Variants in MACROD2 observed in about 807,000 individuals in gnomAD.
MACROD2 encodes the protein mono-ADP ribosylhydrolase 2.
In MACROD2, 36 loss-of-function variants were observed where a neutral mutation model predicts 70.4. The ratio of observed to expected loss-of-function variants is 0.51; its 90% CI spans 0.39 to 0.68. The LOEUF (loss-of-function observed/expected upper bound fraction) is 0.68. MACROD2 is among the 30% of genes least tolerant of loss of function. MACROD2 has a pLI of 0.00. For missense variants in MACROD2, 496 were observed against 538.4 expected (o/e 0.92, Z 0.78); for synonymous variants, 172 against 178.8 (o/e 0.96, Z 0.30).
chr20:14,965,681 G>A (rs941190716), intron 5 of MACROD2, among the ~76,000 whole-genome samples: 4 of 151,114 alleles, frequency 2.6e-5, no homozygotes, highest in African/African-American at 9.7e-5. Flanking sequence ...TGTTAGCCAG[G>A]ATGGTCTCGA....
At chr20:15,971,163 A>G (rs2066224695) in intron 13 of MACROD2, among the ~76,000 whole-genome samples, 1 of 152,148 alleles carries the variant, frequency 6.6e-6, no homozygotes, top group South Asian at 2.1e-4. Flanking sequence ...TTTGAAAAGG[A>G]TCATGTTTCT....
intron 5 of MACROD2, among the ~76,000 whole-genome samples, chr20:14,807,760 A>G (rs891590057): frequency 6.6e-5 from 10 of 152,120 alleles, no homozygotes; most frequent in African/African-American, 2.4e-4. Context: ...GACCTGATGG[A>G]GATGAAAAAC....
At chr20:15,199,408 A>G (rs1444705058) in intron 5 of MACROD2, among the ~76,000 whole-genome samples, 1 of 152,166 alleles carries the variant, frequency 6.6e-6, no homozygotes, top group Non-Finnish European at 1.5e-5. Context: ...AAATGTATGT[A>G]TGTGTGACTC....
At chr20:15,978,613 TCTC>T (rs1343183988) in intron 13 of MACROD2, among the ~76,000 whole-genome samples, 41 of 151,448 alleles carry the variant, frequency 2.7e-4, no homozygotes, top group Admixed American at 1.1e-3. Context: ...TCTCTCTCTC[TCTC>T]GTTCTTTCTC....
At chr20:16,007,461 G>A (rs2147519194) in intron 15 of MACROD2, among the ~76,000 whole-genome samples, 1 of 152,260 alleles carries the variant, frequency 6.6e-6, no homozygotes, top group East Asian at 1.9e-4. Context: ...ATACCACAGT[G>A]TCCAGAAAAT....
intron 5 of MACROD2, among the ~76,000 whole-genome samples, chr20:14,854,161 G>A (rs748457648): frequency 2.6e-5 from 4 of 152,106 alleles, no homozygotes; most frequent in Admixed American, 2.0e-4. Flanking sequence ...AGAGAATGTC[G>A]ATAGCTTTCT....
intron 5 of MACROD2, among the ~76,000 whole-genome samples, chr20:14,862,713 A>T (rs796672851): frequency 0.02 from 1,825 of 92,090 alleles, 138 homozygotes; most frequent in Non-Finnish European, 0.028. Flanking sequence ...ATATATATAT[A>T]TATTTTTTTT....
At chr20:14,314,951 C>T (rs1002163806) in intron 3 of MACROD2, among the ~76,000 whole-genome samples, 1 of 152,014 alleles carries the variant, frequency 6.6e-6, no homozygotes, top group African/African-American at 2.4e-5. Context: ...AAGGCCATAT[C>T]CCAAATAAGC....
chr20:15,224,182 G>A (rs2076885132), intron 5 of MACROD2, among the ~76,000 whole-genome samples: 1 of 152,172 alleles, frequency 6.6e-6, no homozygotes, highest in Non-Finnish European at 1.5e-5. Context: ...CATTGCAGAA[G>A]GTCTGACCCA....
chr20:15,890,292 T>G (rs916362700), intron 10 of MACROD2, among the ~76,000 whole-genome samples: 9 of 152,180 alleles, frequency 5.9e-5, no homozygotes, highest in African/African-American at 2.2e-4. Flanking sequence ...GACCTAGAAA[T>G]GTAACTCACA....
rs549920480 is a variant in MACROD2, at chr20:15,254,909, C to T, written c.540+24848C>T. On this transcript the variant is annotated intron_variant, in intron 6 of 17. Transcript: ENST00000684519. ...AACGTGAATTCCTTGAATTGTAAACCATTTGGGGCCAAAGCACACCTTTTT... is the reference window on the plus strand; with the variant it reads ...AACGTGAATTCCTTGAATTGTAAACTATTTGGGGCCAAAGCACACCTTTTT... Among the ~76,000 whole-genome samples, 16 of 147,546 alleles carry T rather than the reference C, an allele frequency of 1.1e-4. No individual in the cohort carries two copies. In the East Asian group the frequency reaches 3.0e-3, roughly 28 times the overall value.
chr20:15,807,137 G>A (rs1218620340), intron 8 of MACROD2, among the ~76,000 whole-genome samples: 8 of 152,144 alleles, frequency 5.3e-5, no homozygotes, highest in Non-Finnish European at 1.5e-5. Flanking sequence ...ACCTTGATAA[G>A]GTTTCTTAAT....
chr20:14,126,551 G>T (rs1601252893), intron 3 of MACROD2, among the ~76,000 whole-genome samples: 2 of 151,540 alleles, frequency 1.3e-5, no homozygotes, highest in Non-Finnish European at 2.9e-5. Flanking sequence ...AAGGTTTGTG[G>T]TAACCCTGTG....
intron 8 of MACROD2, among the ~76,000 whole-genome samples, chr20:15,670,403 G>A (rs1468105511): frequency 1.3e-5 from 2 of 152,116 alleles, no homozygotes; most frequent in Admixed American, 6.5e-5. Flanking sequence ...GATGCAACAC[G>A]AACTTCTACA....
At chr20:14,525,048 A>G (rs1444593108) in intron 4 of MACROD2, among the ~76,000 whole-genome samples, 1 of 152,170 alleles carries the variant, frequency 6.6e-6, no homozygotes, top group Non-Finnish European at 1.5e-5. Context: ...TGACACATCA[A>G]TTTAGAATTC....
At chr20:14,979,871 G>A (rs929909654) in intron 5 of MACROD2, among the ~76,000 whole-genome samples, 34 of 152,124 alleles carry the variant, frequency 2.2e-4, no homozygotes, top group African/African-American at 8.0e-4. Flanking sequence ...TAACTGTGTG[G>A]TGTTGATATG....
intron 6 of MACROD2, among the ~76,000 whole-genome samples, chr20:15,338,052 A>G (rs1042836344): frequency 6.6e-6 from 1 of 151,524 alleles, no homozygotes; most frequent in African/African-American, 2.4e-5. Flanking sequence ...GGTGGCCTTC[A>G]TTTTTATTTA....
chr20:14,187,326 G>A (rs188503010), intron 3 of MACROD2, among the ~76,000 whole-genome samples: 23 of 152,230 alleles, frequency 1.5e-4, no homozygotes, highest in African/African-American at 4.3e-4. Context: ...CCACTGATAC[G>A]TGAGGATTTG....
chr20:15,199,320 GCA>G (rs2076635298), intron 5 of MACROD2, among the ~76,000 whole-genome samples: 1 of 152,032 alleles, frequency 6.6e-6, no homozygotes, highest in Non-Finnish European at 1.5e-5. Flanking sequence ...TCGCACCAAT[GCA>G]CTCCAGCCTA....
Sources: gnomAD v4.1 joint callset for allele counts (sites outside exome capture counted in the v4.1 genomes callset) on GRCh38, gnomAD v4.1.1 for gene constraint, MANE v1.5 for transcripts, NCBI Gene and HGNC (gene_info 2026-07-23, HGNC 2026-07-21) for gene names.